The following RARB variants were observed in gnomAD, a reference collection of about 807,000 sequenced individuals.
The protein encoded by RARB is retinoic acid receptor beta, also known as HBV-activated protein.
A neutral mutation model predicts 51.9 loss-of-function variants in RARB; 17 were observed. The ratio of observed to expected loss-of-function variants is 0.33; its 90% CI spans 0.22 to 0.49. The LOEUF (loss-of-function observed/expected upper bound fraction) is 0.49. Ranked by LOEUF, RARB falls within the 20% of genes least tolerant of loss-of-function variation. The pLI is 0.99. For synonymous variants in RARB, 215 were observed against 195.4 expected, an observed-to-expected ratio of 1.10 and a Z score of -0.84; for missense variants, 369 against 550.8, an observed-to-expected ratio of 0.67 and a Z score of 3.30.
chr3:25,591,102 G>GC (rs1270964533), intron 5 of RARB, among the ~76,000 whole-genome samples: 1 of 152,214 alleles, frequency 6.6e-6, no homozygotes, highest in African/African-American at 2.4e-5. Context: ...GCTCAGAAAG[G>GC]CCCCTGGGCA....
intron 2 of RARB, among the ~76,000 whole-genome samples, chr3:25,475,414 C>A (rs1695900370): frequency 6.6e-6 from 1 of 151,630 alleles, no homozygotes; most frequent in South Asian, 2.1e-4. Flanking sequence ...GGGGGGGATC[C>A]CCTGCAAAAA....
intron 5 of RARB, among the ~76,000 whole-genome samples, chr3:25,231,138 G>C (rs528568600): frequency 1.3e-5 from 2 of 152,160 alleles, no homozygotes; most frequent in Admixed American, 1.3e-4. Context: ...AAGAAGCCAA[G>C]AGCAAATTTA....
At chr3:25,248,904 T>G (rs1702635931) in intron 5 of RARB, among the ~76,000 whole-genome samples, 1 of 152,202 alleles carries the variant, frequency 6.6e-6, no homozygotes. Flanking sequence ...GGCTACACTC[T>G]GCCATGAATA....
intron 5 of RARB, among the ~76,000 whole-genome samples, chr3:25,413,786 A>T (rs909996950): frequency 6.6e-6 from 1 of 152,318 alleles, no homozygotes; most frequent in East Asian, 1.9e-4. Context: ...GCTTGTTGGC[A>T]TTGAGCTGCA....
intron 2 of RARB, among the ~76,000 whole-genome samples, chr3:25,019,857 A>G (rs1697590410): frequency 1.3e-5 from 2 of 152,124 alleles, no homozygotes; most frequent in African/African-American, 2.4e-5. Flanking sequence ...GAGGTCTTCC[A>G]TGGGGGCACT....
intron 5 of RARB, among the ~76,000 whole-genome samples, chr3:25,582,260 C>T (rs1701206099): frequency 6.6e-6 from 1 of 152,160 alleles, no homozygotes; most frequent in South Asian, 2.1e-4. Flanking sequence ...TAAAATGTAA[C>T]ACTCAGTAGA....
chr3:25,456,674 TATATATATAGAGAGAGAG>T (rs1391664927), intron 1 of RARB, among the ~76,000 whole-genome samples: 2 of 113,186 alleles, frequency 1.8e-5, no homozygotes, highest in African/African-American at 6.9e-5. Flanking sequence ...TATATATATA[TATATATATAGAGAGAGAG>T]AGAGAGAGAG....
chr3:25,275,142 C>T (rs919710126), intron 5 of RARB, among the ~76,000 whole-genome samples: 12 of 152,156 alleles, frequency 7.9e-5, no homozygotes, highest in African/African-American at 2.4e-4. Context: ...CCACATCATA[C>T]CCACAGACTC....
intron 5 of RARB, among the ~76,000 whole-genome samples, chr3:25,233,588 A>G (rs1702233937): frequency 6.6e-6 from 1 of 152,188 alleles, no homozygotes; most frequent in Non-Finnish European, 1.5e-5. Context: ...TAATAAGGAT[A>G]GTGAGAACAG....
rs115899652 is a variant in RARB at position 25,438,846 on chromosome 3, C to A, written c.157+9958C>A. ...AAAAGAGAGGTAAAGAACTGTAACT[C>A]GCATAGCTTCCTCTGATTACATTAT... On this transcript the variant is annotated intron_variant, in intron 1 of 7. Coordinates refer to ENST00000330688, the MANE Select transcript of RARB (RefSeq NM_000965.5). 2.2e-3 allele frequency among the ~76,000 whole-genome samples: 329 copies of A among 152,304 alleles called. 2 individuals carry two copies. The highest frequency in any genetic ancestry group is 7.1e-3 in the African/African-American group (294 of 41,562).
At chr3:24,986,528 G>T (rs918979040) in intron 2 of RARB, among the ~76,000 whole-genome samples, 1 of 152,138 alleles carries the variant, frequency 6.6e-6, no homozygotes, top group Non-Finnish European at 1.5e-5. Flanking sequence ...TGGGTTTTGT[G>T]GTTTTAGTTA....
upstream of RARB, among the ~76,000 whole-genome samples, chr3:25,424,920 T>C (rs1238010422): frequency 6.6e-6 from 1 of 152,250 alleles, no homozygotes; most frequent in Non-Finnish European, 1.5e-5. Flanking sequence ...ACCCTGGCTA[T>C]AAATTTTTGT....
intron 3 of RARB, among the ~76,000 whole-genome samples, chr3:25,075,137 C>G (rs1698847563): frequency 6.6e-6 from 1 of 152,150 alleles, no homozygotes; most frequent in Non-Finnish European, 1.5e-5. Flanking sequence ...GTCTAAGATG[C>G]AGATGTGGGG....
At chr3:25,146,760 C>G (rs769606342) in intron 4 of RARB, among the ~76,000 whole-genome samples, 4 of 151,978 alleles carry the variant, frequency 2.6e-5, no homozygotes, top group Admixed American at 6.6e-5. Flanking sequence ...ACCTCATGAT[C>G]CGCCCACCTT....
intron 5 of RARB, among the ~76,000 whole-genome samples, chr3:25,303,782 C>T: frequency 6.6e-6 from 1 of 152,172 alleles, no homozygotes; most frequent in Non-Finnish European, 1.5e-5. Flanking sequence ...ACCGTAGAGC[C>T]ACAGCCAGCC....
chr3:25,301,723 T>C (rs1434793723), intron 5 of RARB, among the ~76,000 whole-genome samples: 1 of 152,208 alleles, frequency 6.6e-6, no homozygotes, highest in Non-Finnish European at 1.5e-5. Context: ...TGTGCTCCTG[T>C]CCCTAACATC....
chr3:25,003,553 C>G (rs190091233), intron 2 of RARB, among the ~76,000 whole-genome samples: 1 of 152,064 alleles, frequency 6.6e-6, no homozygotes, highest in Non-Finnish European at 1.5e-5. Context: ...TTAATAGGTA[C>G]AACTACTGGC....
intron 5 of RARB, among the ~76,000 whole-genome samples, chr3:25,377,131 C>T (rs1312598315): frequency 1.3e-5 from 2 of 152,094 alleles, no homozygotes; most frequent in Admixed American, 6.6e-5. Flanking sequence ...ATGTGACCTA[C>T]AGATGTTTGC....
upstream of RARB, among the ~76,000 whole-genome samples, chr3:25,427,666 T>C (rs536674988): frequency 6.6e-6 from 1 of 152,190 alleles, no homozygotes; most frequent in South Asian, 2.1e-4. Context: ...ACGAGTGCAG[T>C]CAATTCAGCC....
Sources: allele counts gnomAD v4.1 joint callset (sites outside exome capture counted in the v4.1 genomes callset), GRCh38; gene constraint gnomAD v4.1.1; transcripts MANE v1.5; gene names NCBI Gene and HGNC (gene_info 2026-07-23, HGNC 2026-07-21).